The following ZFYVE26 variants were observed in gnomAD, a reference collection of about 807,000 sequenced individuals.
The protein encoded by ZFYVE26 is zinc finger FYVE domain-containing protein 26.
Under a neutral mutation model 276.5 loss-of-function variants are expected in ZFYVE26, and 181 were observed. The observed-to-expected ratio is 0.65, with a 90% CI of 0.58 to 0.74. The LOEUF (loss-of-function observed/expected upper bound fraction) is 0.74, where lower values mean the gene tolerates loss of function less well. Among genes scored for constraint, ZFYVE26 ranks in the 30% least tolerant of loss-of-function variants. ZFYVE26 has a pLI of 0.00. For synonymous variants in ZFYVE26, 1,129 were observed against 1,203.1 expected, an observed-to-expected ratio of 0.94 and a Z score of 1.27; for missense variants, 2,821 against 3,097.9, an observed-to-expected ratio of 0.91 and a Z score of 2.12.
chr14:67,807,351 A>T, intron 5 of ZFYVE26, 47 bp downstream of exon 5: 3 of 1,611,028 alleles, frequency 1.9e-6, no homozygotes, highest in Non-Finnish European at 2.5e-6. Flanking sequence ...AAGGCTGGGC[A>T]TACTGGAATT....
At position 67,762,723 on chromosome 14, in the gene ZFYVE26, G is replaced by A; in HGVS notation, c.6108C>T (p.Thr2036=). ...CTTCCAAAAGCTGGTTCCTTAGCCT[G>A]GTTACTGCAGCTGGCTGCAAGATCT... ...LDQILQPAAV[T]RLRNQLLEAE... is the part of the protein sequence containing the mutation. Residue 2036 remains threonine (T), a synonymous_variant, in exon 33 of 42, where the codon ACC becomes ACT. Coordinates refer to ENST00000347230, the MANE Select transcript of ZFYVE26 (RefSeq NM_015346.4). 6.2e-7 allele frequency: 1 copy of A among 1,614,170 alleles called. No homozygotes were observed. The highest frequency in any genetic ancestry group is 8.5e-7 in the Non-Finnish European group (1 of 1,180,040).
chr14:67,767,711 T>C lies in ZFYVE26; in HGVS notation c.5783A>G (p.Tyr1928Cys). The change falls in exon 31 of 42, where the codon TAT (tyrosine) becomes TGT (cysteine). Residue 1928 changes from tyrosine (Y) to cysteine (C), a missense_variant. Transcript: ENST00000347230. ...ENELVRSEFY[Y>C]EQAPSASLCI... ...GCATTTTATTGCTATTACCTGCTCA[T>C]AGTAAAATTCACTCCGCACCAGCTC... 1.2e-6 allele frequency: 2 copies of C among 1,614,182 alleles called. No individual in the cohort carries two copies. Among genetic ancestry groups the C allele is most frequent in the South Asian group, 1.1e-5 (1 of 91,088 alleles).
At chr14:67,765,673 T>A (rs2039036779) in intron 32 of ZFYVE26, among the ~76,000 whole-genome samples, 2 of 152,198 alleles carry the variant, frequency 1.3e-5, no homozygotes, top group South Asian at 4.1e-4. Context: ...TACAGGAACC[T>A]GAGGGAGGTC....
Position 67,783,859 on chromosome 14 carries a change from T to A in ZFYVE26, c.3627-334A>T, listed in dbSNP as rs1296492993. 3.9e-5 allele frequency among the ~76,000 whole-genome samples: 6 copies of A among 152,364 alleles called. No homozygotes were observed. In the East Asian group the frequency reaches 1.2e-3, roughly 29 times the overall value. On this transcript the variant is annotated intron_variant, in intron 20 of 41. Transcript: ENST00000347230. ...GATCTGTTGGTACTATATACAAGAT[T>A]GCAATGAAATGATTTTGCATATAAA... is the stretch of plus-strand genomic sequence containing the variant.
chr14:67,729,206 C>T, intron 14 of ZFYVE26: 1 of 1,612,768 alleles, frequency 6.2e-7, no homozygotes, highest in Non-Finnish European at 8.5e-7. Flanking sequence ...GGGGTCACCA[C>T]CTACGCAGTG....
At chr14:67,770,944 C>T (rs1955469) in intron 28 of ZFYVE26, among the ~76,000 whole-genome samples, 142,766 of 152,106 alleles carry the variant, frequency 0.94, 67,263 homozygotes, top group Non-Finnish European at 0.99. Context: ...ATACCTGACT[C>T]TGCTTTCCTA....
At chr14:67,791,654 T>C (rs1163239676) in intron 14 of ZFYVE26, among the ~76,000 whole-genome samples, 3 of 149,812 alleles carry the variant, frequency 2.0e-5, no homozygotes, top group African/African-American at 7.4e-5. Context: ...AAAGTTTTTA[T>C]TGAAAAAAAA....
chr14:67,788,511 C>G lies in ZFYVE26; in HGVS notation c.3019+824G>C, dbSNP rs149720045. On this transcript the variant is annotated intron_variant, in intron 16 of 41. Coordinates refer to ENST00000347230, the MANE Select transcript of ZFYVE26 (RefSeq NM_015346.4). ...TGCTGGAGAAATAGGCATAGGCATG[C>G]CCTGTGTAGCCACAGGGAGAGGACT... Among the ~76,000 whole-genome samples the G allele has an allele frequency of 2.0e-5, 3 of 152,340 alleles. No individual in the cohort carries two copies. The East Asian group carries it at 5.8e-4, about 29-fold the overall frequency.
chr14:67,806,744 A>G, intron 5 of ZFYVE26, 69 bp from the exon 6 acceptor site: 1 of 1,590,070 alleles, frequency 6.3e-7, no homozygotes. Flanking sequence ...GCCCATTTGA[A>G]CAACCAAGTG....
At chr14:67,735,133 G>A (rs2140165029) in intron 13 of ZFYVE26, 3 of 821,644 alleles carry the variant, frequency 3.7e-6, no homozygotes, top group South Asian at 2.7e-5. Context: ...AGGCATGGGT[G>A]TTGATTCGAC....
Position 67,785,079 on chromosome 14 carries a change from TGAA to T in ZFYVE26, c.3500_3502del (p.Leu1167del). 6.2e-7 allele frequency: 1 copy of T among 1,614,184 alleles called. No individual in the cohort carries two copies. Among genetic ancestry groups the T allele is most frequent in the Non-Finnish European group, 8.5e-7 (1 of 1,180,032 alleles). On this transcript the variant is annotated inframe_deletion, in exon 19 of 42. Coordinates refer to ENST00000347230, the MANE Select transcript of ZFYVE26 (RefSeq NM_015346.4). ...CCTACCAGGCTCAGAGCTCAAACTT[TGAA>T]GGAGAACTGCAGCAAGGGTGCTGCA...
Position 67,740,705 on chromosome 14 carries a change from G to A in ZFYVE26, n.2679+10347C>T, listed in dbSNP as rs575406485. 7.9e-5 allele frequency among the ~76,000 whole-genome samples: 12 copies of A among 152,220 alleles called. No homozygotes were observed. In the South Asian group the frequency reaches 8.3e-4, roughly 11 times the overall value. On this transcript the variant is annotated intron_variant and non_coding_transcript_variant, in intron 13 of 14. Transcript: ENST00000394455. ...GGGTGGATCACGAGATCAGGAGTTC[G>A]AGACCAGCCTGGCCAAGATGGTGAA...
rs572694046 is a variant in ZFYVE26 at position 67,811,637 on chromosome 14, T to C, written c.274-2348A>G. ...CAAATAAGTAAACTAAAATATGTTATATATATATAAAACATATGTATGTCC... is the reference window on the plus strand; with the variant it reads ...CAAATAAGTAAACTAAAATATGTTACATATATATAAAACATATGTATGTCC... On this transcript the variant is annotated intron_variant, in intron 3 of 41. Coordinates refer to ENST00000347230, the MANE Select transcript of ZFYVE26 (RefSeq NM_015346.4). Among the ~76,000 whole-genome samples, 18 of 151,816 alleles carry C rather than the reference T, an allele frequency of 1.2e-4. No homozygotes were observed. The South Asian group carries it at 2.1e-3, about 17-fold the overall frequency.
chr14:67,788,742 A>C (rs2039728075), intron 16 of ZFYVE26, among the ~76,000 whole-genome samples: 1 of 151,984 alleles, frequency 6.6e-6, no homozygotes, highest in Admixed American at 6.6e-5. Context: ...TAACCTATTC[A>C]CCACTCCTCC....
chr14:67,735,466 G>T (rs1594871099), intron 13 of ZFYVE26: 2 of 582,344 alleles, frequency 3.4e-6, no homozygotes, highest in East Asian at 2.8e-5. Flanking sequence ...AATGCCGGGG[G>T]ATTGGTGGCC....
chr14:67,812,806 C>A (rs936231491), intron 3 of ZFYVE26, among the ~76,000 whole-genome samples: 1 of 152,052 alleles, frequency 6.6e-6, no homozygotes, highest in African/African-American at 2.4e-5. Flanking sequence ...TAGAGAGATC[C>A]CTTAATCAGT....
chr14:67,782,333 T>C (rs1393680851), intron 21 of ZFYVE26, among the ~76,000 whole-genome samples: 4 of 152,220 alleles, frequency 2.6e-5, no homozygotes, highest in African/African-American at 9.6e-5. Flanking sequence ...CATTTCTTTA[T>C]ATATTGACTC....
intron 32 of ZFYVE26, among the ~76,000 whole-genome samples, chr14:67,763,425 C>T (rs992535461): frequency 7.2e-5 from 11 of 152,206 alleles, no homozygotes; most frequent in African/African-American, 2.7e-4. Context: ...ATGGTGGCCA[C>T]ATAGGATCAT....
intron 31 of ZFYVE26, among the ~76,000 whole-genome samples, chr14:67,766,942 G>A (rs540199308): frequency 1.8e-4 from 28 of 152,096 alleles, no homozygotes; most frequent in Non-Finnish European, 2.6e-4. Flanking sequence ...GGGCTCAAGC[G>A]ATTCACCCAC....
Sources: allele counts gnomAD v4.1 joint callset (sites outside exome capture counted in the v4.1 genomes callset), GRCh38; gene constraint gnomAD v4.1.1; transcripts MANE v1.5; gene names NCBI Gene and HGNC (gene_info 2026-07-23, HGNC 2026-07-21).